Variants in PDPR observed in about 807,000 individuals in gnomAD.
PDPR encodes the protein pyruvate dehydrogenase phosphatase regulatory subunit, also known as pyruvate dehydrogenase phosphatase regulatory subunit, mitochondrial.
PDPR carries 50 observed loss-of-function variants against 102.2 expected under a neutral mutation model. That is an observed-to-expected ratio of 0.49 (90% CI 0.39 to 0.62). The LOEUF (loss-of-function observed/expected upper bound fraction) is 0.62, where lower values mean the gene tolerates loss of function less well. PDPR is among the 20% of genes least tolerant of loss of function. PDPR has a pLI of 0.00. For missense variants in PDPR, 625 were observed against 1,098.2 expected, an observed-to-expected ratio of 0.57 and a Z score of 6.09; for synonymous variants, 259 against 406.0, an observed-to-expected ratio of 0.64 and a Z score of 4.35.
chr16:70,121,774 T>G (rs1963312038), intron 3 of PDPR, among the ~76,000 whole-genome samples: 1 of 152,190 alleles, frequency 6.6e-6, no homozygotes, highest in African/African-American at 2.4e-5. Context: ...CCCTTTTTTT[T>G]TTTTTTTTAA....
rs1965579449 is a variant in PDPR, at chr16:70,140,313, A to C, written c.1315+1290A>C. 2.6e-5 allele frequency among the ~76,000 whole-genome samples: 4 copies of C among 152,256 alleles called. No homozygotes were observed. The South Asian group carries it at 8.3e-4, about 31-fold the overall frequency. On this transcript the variant is annotated intron_variant, in intron 11 of 18. Coordinates refer to ENST00000288050, the MANE Select transcript of PDPR (RefSeq NM_017990.5). ...CCATGATGGTGCCACTGTGTACTCC[A>C]GCCTGGGCAGTGGGACTGAGACCCT...
At chr16:70,120,879 C>T (rs1313992561) in intron 3 of PDPR, among the ~76,000 whole-genome samples, 160 bp downstream of exon 3, 2 of 150,440 alleles carry the variant, frequency 1.3e-5, no homozygotes, top group Non-Finnish European at 3.0e-5. Flanking sequence ...TTAAGGATGA[C>T]TAATAATGCT....
chr16:70,132,291 G>A lies in PDPR; in HGVS notation c.988G>A (p.Asp330Asn). 1 of 1,613,760 alleles carries A rather than the reference G, an allele frequency of 6.2e-7. No homozygotes were observed. Among genetic ancestry groups the A allele is most frequent in the Admixed American group, 1.7e-5 (1 of 59,998 alleles). The part of the protein sequence containing the change: ...LEIQNLQEDW[D>N]HFEPLLSSLL... ...GATTCAGAATCTACAGGAAGACTGG[G>A]ATCACTTTGGTATGTGAACTGCATT... Residue 330 changes from aspartate to asparagine, a missense_variant, in exon 9 of 19, where the codon GAT becomes AAT. Physicochemically the swap from Asp to Asn is conservative, Grantham distance 23. Transcript: ENST00000288050.
intron 10 of PDPR, among the ~76,000 whole-genome samples, 172 bp from the exon 11 acceptor site, chr16:70,138,727 G>A (rs1006832861): frequency 1.8e-4 from 28 of 152,250 alleles, no homozygotes; most frequent in Non-Finnish European, 3.2e-4. Flanking sequence ...TTTGAGAGCA[G>A]TACACAGACC....
At position 70,127,406 on chromosome 16, in the gene PDPR, C is replaced by T. The variant is rs543137636; in HGVS notation, c.361+13C>T. The T allele has an allele frequency of 6.2e-7, 1 of 1,604,516 alleles. No homozygotes were observed. Among genetic ancestry groups the T allele is most frequent in the African/African-American group, 1.3e-5 (1 of 74,760 alleles). ...GGGATCCAAACAGGTAAGCAAGTGT[C>T]TTCCATTTATTGCTTTGCCTGTCCC... On this transcript the variant is annotated intron_variant, in intron 4 of 18. Coordinates refer to ENST00000288050, the MANE Select transcript of PDPR (RefSeq NM_017990.5).
At chr16:70,124,634 G>C (rs373095392) in intron 3 of PDPR, among the ~76,000 whole-genome samples, 1 of 152,244 alleles carries the variant, frequency 6.6e-6, no homozygotes, top group South Asian at 2.1e-4. Flanking sequence ...CTCCAAGGGC[G>C]AGAGCCACTG....
At chr16:70,141,964 G>T (rs1357253012) in intron 11 of PDPR, among the ~76,000 whole-genome samples, 1 of 152,272 alleles carries the variant, frequency 6.6e-6, no homozygotes, top group Non-Finnish European at 1.5e-5. Context: ...GTGTGGCACG[G>T]TGACACGTGC....
intron 18 of PDPR, among the ~76,000 whole-genome samples, chr16:70,155,973 T>G (rs1351234458): frequency 6.6e-6 from 1 of 152,222 alleles, no homozygotes; most frequent in East Asian, 1.9e-4. Context: ...CACTGCAGCC[T>G]CTGCCTCCCA....
chr16:70,125,574 A>AGT (rs1963872381), intron 3 of PDPR, among the ~76,000 whole-genome samples: 5 of 82,864 alleles, frequency 6.0e-5, no homozygotes, highest in Non-Finnish European at 1.1e-4. Context: ...AAAAAAAAAA[A>AGT]GTATATATAT....
At chr16:70,154,648 T>C (rs1007125885) in intron 18 of PDPR, among the ~76,000 whole-genome samples, 2 of 152,244 alleles carry the variant, frequency 1.3e-5, no homozygotes, top group East Asian at 1.9e-4. Context: ...TTTTTTCTTT[T>C]GTTTTTGATT....
intron 6 of PDPR, among the ~76,000 whole-genome samples, 177 bp from the exon 7 acceptor site, chr16:70,130,246 C>G (rs1401463780): frequency 5.5e-4 from 84 of 152,332 alleles, no homozygotes; most frequent in African/African-American, 1.8e-3. Context: ...CAAGATCGCA[C>G]GACTACACTC....
In PDPR at chr16:70,157,810, G is replaced by C. The variant is rs1967385482; in HGVS notation, c.*931G>C. Reference sequence around the variant, plus strand: ...CGTTCCTCCTTCCCCTTCTCCCAGTGCGTTTGACTTTGTCAGGTCAGCCTC... The same window carrying C: ...CGTTCCTCCTTCCCCTTCTCCCAGTCCGTTTGACTTTGTCAGGTCAGCCTC... On this transcript the variant is annotated 3_prime_UTR_variant, in exon 19 of 19. Coordinates refer to ENST00000288050, the MANE Select transcript of PDPR (RefSeq NM_017990.5). The C allele has an allele frequency of 6.4e-6, 1 of 155,334 alleles. No homozygotes were observed. The highest frequency in any genetic ancestry group is 2.0e-4 in the South Asian group (1 of 4,926). The allele number at this position is 155,334 out of a possible 1,614,324, so 9.6% of individuals were successfully genotyped here. A position where few individuals can be genotyped will look rare whatever the true frequency, so the allele number is the denominator to read the frequency against.
chr16:70,142,018 TA>T (rs1261617861), intron 11 of PDPR, among the ~76,000 whole-genome samples: 43 of 152,282 alleles, frequency 2.8e-4, no homozygotes, highest in African/African-American at 9.2e-4. Flanking sequence ...GAGAATCGCT[TA>T]AACCCAGGAG....
intron 17 of PDPR, among the ~76,000 whole-genome samples, chr16:70,150,115 T>C (rs1966602014): frequency 6.7e-6 from 1 of 150,268 alleles, no homozygotes; most frequent in African/African-American, 2.5e-5. Context: ...TTTCTTTTTT[T>C]TTTTTGAGAT....
chr16:70,115,212 C>G (rs1962518368), intron 2 of PDPR, among the ~76,000 whole-genome samples: 1 of 152,106 alleles, frequency 6.6e-6, no homozygotes, highest in African/African-American at 2.4e-5. Flanking sequence ...CAACCTCTGC[C>G]TCCTGGGTTC....
rs201562825 is a variant in PDPR at position 70,156,559 on chromosome 16, G to A, written c.2320G>A (p.Asp774Asn). The change falls in exon 19 of 19, where the codon GAC becomes AAC. Residue 774 changes from aspartate (D) to asparagine (N), a missense_variant. Transcript: ENST00000288050. The part of the protein sequence containing the change: ...YKRLTMFILD[D>N]HDSDLDLWPW... ...ACGCCTCACCATGTTCATCCTGGAC[G>A]ACCATGATTCAGACCTAGACCTTTG... The A allele has an allele frequency of 2.4e-4, 382 of 1,613,964 alleles. No individual in the cohort carries two copies. The highest frequency in any genetic ancestry group is 3.1e-4 in the Non-Finnish European group (364 of 1,179,806).
At chr16:70,125,737 G>T (rs1248980107) in intron 3 of PDPR, among the ~76,000 whole-genome samples, 3 of 152,056 alleles carry the variant, frequency 2.0e-5, no homozygotes, top group Non-Finnish European at 4.4e-5. Context: ...GGGTTCAGGC[G>T]ATCCTCCTGC....
At chr16:70,116,206 A>G (rs1331798032) in intron 2 of PDPR, among the ~76,000 whole-genome samples, 1 of 144,790 alleles carries the variant, frequency 6.9e-6, no homozygotes, top group African/African-American at 2.6e-5. Context: ...CCTCCTGAGT[A>G]GCTGGGACTA....
At chr16:70,127,512 G>T in intron 4 of PDPR, 119 bp downstream of exon 4, 1 of 1,524,972 alleles carries the variant, frequency 6.6e-7, no homozygotes, top group Non-Finnish European at 8.8e-7. Flanking sequence ...TGGGTTGGCC[G>T]GGCATGGTGG....
Sources: allele counts gnomAD v4.1 joint callset (sites outside exome capture counted in the v4.1 genomes callset), GRCh38; gene constraint gnomAD v4.1.1; transcripts MANE v1.5; gene names NCBI Gene and HGNC (gene_info 2026-07-23, HGNC 2026-07-21).